ERAP1: variants seen among roughly 807,000 people sequenced by gnomAD.
The protein encoded by ERAP1 is endoplasmic reticulum aminopeptidase 1.
ERAP1 carries 86 observed loss-of-function variants against 103.7 expected under a neutral mutation model. The ratio of observed to expected loss-of-function variants is 0.83; its 90% confidence interval spans 0.70 to 0.99. ERAP1 has a LOEUF of 0.99. Among genes scored for constraint, ERAP1 ranks in the 50% least tolerant of loss-of-function variants. The pLI is 0.00. For missense variants in ERAP1, 1,009 were observed against 1,128.4 expected (o/e 0.89, Z 1.52); for synonymous variants, 398 against 402.4 (o/e 0.99, Z 0.13).
chr5:96,856,274 G>A, the ERAP1 span, among the ~76,000 whole-genome samples: 3 of 127,836 alleles, frequency 2.3e-5, no homozygotes, highest in African/African-American at 9.2e-5. Flanking sequence ...AGCCAAGATT[G>A]CACCATTGCA....
the ERAP1 span, among the ~76,000 whole-genome samples, chr5:96,823,327 C>A: frequency 2.0e-4 from 30 of 152,266 alleles, no homozygotes; most frequent in African/African-American, 7.2e-4. Context: ...ACATTGGTAG[C>A]CTGTCTATCA....
At chr5:96,764,238 G>A (rs537144375) in intron 19 of ERAP1, among the ~76,000 whole-genome samples, 28 of 152,108 alleles carry the variant, frequency 1.8e-4, no homozygotes, top group Non-Finnish European at 3.5e-4. Context: ...CATACAACTA[G>A]TATTGTTTTA....
chr5:96,868,961 C>A, the ERAP1 span, among the ~76,000 whole-genome samples: 1 of 151,980 alleles, frequency 6.6e-6, no homozygotes, highest in Non-Finnish European at 1.5e-5. Flanking sequence ...GGGTTGTATA[C>A]TCGTAGAATG....
intron 19 of ERAP1, chr5:96,767,995 C>A: frequency 6.3e-7 from 1 of 1,599,664 alleles, no homozygotes; most frequent in Non-Finnish European, 8.6e-7. Context: ...CAGAACACAG[C>A]AAAGGTACTG....
the ERAP1 span, among the ~76,000 whole-genome samples, chr5:96,924,603 T>TA: frequency 2.0e-5 from 3 of 152,050 alleles, no homozygotes. Context: ...AACAGATTTT[T>TA]TTTTTTTTTT....
Position 96,780,469 on chromosome 5 carries a change from A to AGC in ERAP1, c.2623_2624insGC (p.Val875GlyfsTer2). 1 of 1,613,396 alleles carries AGC rather than the reference A, an allele frequency of 6.2e-7. No homozygotes were observed. The highest frequency in any genetic ancestry group is 1.1e-5 in the South Asian group (1 of 91,064). On this transcript the variant is annotated frameshift_variant, in exon 18 of 19. Transcript: ENST00000443439. LOFTEE classifies it high-confidence loss of function. ...GGAGAATTGATTTGTTGTACCCATT[A>AGC]CCATGTGGGCTATGGAAGATGAGCC...
chr5:96,833,642 A>G, the ERAP1 span, among the ~76,000 whole-genome samples: 1 of 152,250 alleles, frequency 6.6e-6, no homozygotes, highest in African/African-American at 2.4e-5. Flanking sequence ...GTGTAAAAAA[A>G]TAGCAATTAG....
intron 15 of ERAP1, among the ~76,000 whole-genome samples, chr5:96,782,485 T>C (rs779080076): frequency 6.6e-6 from 1 of 152,128 alleles, no homozygotes; most frequent in Non-Finnish European, 1.5e-5. Flanking sequence ...CAAACTATAT[T>C]CAAAATTTAC....
chr5:96,933,407 T>G, the ERAP1 span, among the ~76,000 whole-genome samples: 1 of 152,038 alleles, frequency 6.6e-6, no homozygotes, highest in East Asian at 1.9e-4. Flanking sequence ...TAATTTTATT[T>G]TTTGTATTTT....
At chr5:96,814,316 A>C in the ERAP1 span, 1 of 456,320 alleles carries the variant, frequency 2.2e-6, no homozygotes, top group Non-Finnish European at 4.4e-6. Flanking sequence ...TCACACTAAA[A>C]GAAAGGAAAT....
Position 96,781,703 on chromosome 5 carries a change from T to G in ERAP1, c.2437A>C (p.Lys813Gln). The change falls in exon 16 of 19, where the codon AAG (lysine) becomes CAG (glutamine). Residue 813 changes from lysine (K) to glutamine (Q), a missense_variant. Physicochemically the swap from Lys to Gln is moderately conservative, Grantham distance 53. Transcript: ENST00000443439. ...GAATGACGGACTCACCATTGAAGCT[T>G]TTCCTTATTTTGGGTTCTGCAGAGG... ...FALCRTQNKE[K>Q]LQWLLDESFK... The G allele has an allele frequency of 2.5e-6, 4 of 1,614,178 alleles. No homozygotes were observed. Among genetic ancestry groups the G allele is most frequent in the Non-Finnish European group, 3.4e-6 (4 of 1,180,034 alleles).
At chr5:96,884,074 CTATCT>C in the ERAP1 span, 2 of 571,930 alleles carry the variant, frequency 3.5e-6, no homozygotes, top group Admixed American at 4.2e-5. Context: ...ATCTATCTAT[CTATCT>C]ATCATCATAA....
At chr5:96,799,194 T>G (rs1232489354) in intron 3 of ERAP1, among the ~76,000 whole-genome samples, 1 of 151,166 alleles carries the variant, frequency 6.6e-6, no homozygotes, top group Admixed American at 6.6e-5. Flanking sequence ...GTTGTGTTAA[T>G]TATTAGGAAA....
chr5:96,895,270 G>T, the ERAP1 span: 11 of 1,612,050 alleles, frequency 6.8e-6, no homozygotes, highest in Non-Finnish European at 9.3e-6. Context: ...GGTCACAATG[G>T]AATGGTGGAA....
In ERAP1 at chr5:96,775,735, G is replaced by A. The variant is rs188678105; in HGVS notation, c.*661C>T. 1.1e-4 allele frequency: 22 copies of A among 201,246 alleles called. No individual in the cohort carries two copies. Among genetic ancestry groups the A allele is most frequent in the South Asian group, 3.5e-4 (2 of 5,792 alleles). The allele number at this position is 201,246 out of a possible 1,614,324, so 12.5% of individuals were successfully genotyped here. A position where few individuals can be genotyped will look rare whatever the true frequency, so the allele number is the denominator to read the frequency against. The stretch of plus-strand genomic sequence containing the variant: ...TGTGTGGAAAAGAGGGTCCCCTCTC[G>A]GAGCTAAGACCCTCAGGGGAGGCCA... On this transcript the variant is annotated 3_prime_UTR_variant, in exon 19 of 19. Transcript: ENST00000443439.
the ERAP1 span, among the ~76,000 whole-genome samples, chr5:96,859,411 T>C: frequency 6.6e-6 from 1 of 152,062 alleles, no homozygotes; most frequent in Admixed American, 6.6e-5. Flanking sequence ...GCCCAGAGCA[T>C]TGCCTCAGGC....
chr5:96,909,224 C>A, the ERAP1 span: 1 of 1,044,646 alleles, frequency 9.6e-7, no homozygotes, highest in Non-Finnish European at 1.4e-6. Flanking sequence ...TCTGGAGCAG[C>A]TCGGGGGACT....
Position 96,776,409 on chromosome 5 carries a change from A to T in ERAP1, c.2813T>A (p.Leu938His). Residue 938 changes from leucine (L) to histidine (H), a missense_variant, in exon 19 of 19, where the codon CTT becomes CAT. Transcript: ENST00000443439. ...KIRVWLQSEK[L>H]ERM ...AGGGAGGAATTTTTACATACGTTCA[A>T]GCTTTTCACTTTGCAGCCACACTCT... The T allele has an allele frequency of 1.9e-6, 3 of 1,612,186 alleles. No homozygotes were observed. The highest frequency in any genetic ancestry group is 2.5e-6 in the Non-Finnish European group (3 of 1,179,176).
the ERAP1 span, among the ~76,000 whole-genome samples, chr5:96,872,554 G>A: frequency 1.3e-5 from 2 of 152,116 alleles, no homozygotes; most frequent in African/African-American, 2.4e-5. Context: ...AGCTGTAATT[G>A]TGCCACTGCA....
Sources: gnomAD v4.1 joint callset for allele counts (sites outside exome capture counted in the v4.1 genomes callset) on GRCh38, gnomAD v4.1.1 for gene constraint, MANE v1.5 for transcripts, NCBI Gene and HGNC (gene_info 2026-07-23, HGNC 2026-07-21) for gene names.